EDIL3: variants seen among roughly 807,000 people sequenced by gnomAD.
EDIL3 encodes the protein EGF-like repeat and discoidin I-like domain-containing protein 3.
In EDIL3, 37 loss-of-function variants were observed where a neutral mutation model predicts 67.4. The observed-to-expected ratio is 0.55, with a 90% CI of 0.42 to 0.72. EDIL3 has a LOEUF of 0.72. Among genes scored for constraint, EDIL3 ranks in the 30% least tolerant of loss-of-function variants. The pLI, the probability that EDIL3 is intolerant of heterozygous loss-of-function variation, is 0.00. For missense variants in EDIL3, 527 were observed against 586.3 expected, an observed-to-expected ratio of 0.90 and a Z score of 1.04; for synonymous variants, 195 against 196.3, an observed-to-expected ratio of 0.99 and a Z score of 0.05.
intron 9 of EDIL3, among the ~76,000 whole-genome samples, chr5:84,027,023 A>C (rs1188118536): frequency 6.6e-6 from 1 of 152,174 alleles, no homozygotes; most frequent in Non-Finnish European, 1.5e-5. Context: ...TGAGCCCAAG[A>C]GGCAGAACCT....
At chr5:84,373,486 C>A (rs959641379) in intron 1 of EDIL3, among the ~76,000 whole-genome samples, 2 of 152,272 alleles carry the variant, frequency 1.3e-5, no homozygotes, top group Admixed American at 6.5e-5. Context: ...CCAATTCAAC[C>A]TTTCAGCCCT....
At chr5:84,252,265 G>A (rs1256692332) in intron 2 of EDIL3, among the ~76,000 whole-genome samples, 1 of 151,978 alleles carries the variant, frequency 6.6e-6, no homozygotes, top group African/African-American at 2.4e-5. Flanking sequence ...GCCGAGGTGG[G>A]TGGATCACGA....
intron 9 of EDIL3, among the ~76,000 whole-genome samples, chr5:84,018,958 T>C (rs1745659837): frequency 6.6e-6 from 1 of 152,166 alleles, no homozygotes; most frequent in South Asian, 2.1e-4. Flanking sequence ...GACTGTAAAC[T>C]AGTTCAACCA....
At chr5:84,314,120 A>AT (rs1196091701) in intron 1 of EDIL3, among the ~76,000 whole-genome samples, 2 of 151,962 alleles carry the variant, frequency 1.3e-5, no homozygotes, top group Admixed American at 6.6e-5. Flanking sequence ...TGCTTGAACC[A>AT]GGGAGGCGGA....
At chr5:84,041,331 C>T (rs896112675) in intron 9 of EDIL3, among the ~76,000 whole-genome samples, 2 of 151,708 alleles carry the variant, frequency 1.3e-5, no homozygotes, top group African/African-American at 2.4e-5. Flanking sequence ...TAAGAATCTC[C>T]GTTTTCAGCC....
At chr5:84,273,251 C>T (rs1745511465) in intron 1 of EDIL3, among the ~76,000 whole-genome samples, 1 of 152,124 alleles carries the variant, frequency 6.6e-6, no homozygotes, top group African/African-American at 2.4e-5. Flanking sequence ...GACCCAATTC[C>T]TATCTTTAGG....
chr5:83,976,270 C>T (rs539146665), intron 9 of EDIL3, among the ~76,000 whole-genome samples: 13 of 151,784 alleles, frequency 8.6e-5, no homozygotes, highest in African/African-American at 1.4e-4. Flanking sequence ...GCTTCAGGAA[C>T]GAGAAATATC....
rs371352184 is a variant in EDIL3 at position 84,044,472 on chromosome 5, C to T, written c.1137+15828G>A. Among the ~76,000 whole-genome samples the T allele has an allele frequency of 1.6e-4, 25 of 151,676 alleles. No individual in the cohort carries two copies. In the Middle Eastern group the frequency reaches 0.01, roughly 62 times the overall value. ...GAAAATGCTGATACAATTTGTTATT[C>T]GGAGAGAAAGAGAATGTAATTTGTT... is the stretch of plus-strand genomic sequence containing the variant. On this transcript the variant is annotated intron_variant, in intron 9 of 10. Transcript: ENST00000296591.
chr5:84,308,341 T>C (rs753141103), intron 1 of EDIL3, among the ~76,000 whole-genome samples: 2 of 152,176 alleles, frequency 1.3e-5, no homozygotes, highest in Non-Finnish European at 2.9e-5. Context: ...TACTAACTGG[T>C]ATCTGGAATC....
chr5:84,220,265 TAAAAG>T (rs1467962285), intron 3 of EDIL3, among the ~76,000 whole-genome samples: 1 of 152,040 alleles, frequency 6.6e-6, no homozygotes, highest in Non-Finnish European at 1.5e-5. Flanking sequence ...AATTAAAACT[TAAAAG>T]AAATAAAAGA....
chr5:84,215,544 G>A (rs1232832113), intron 3 of EDIL3, among the ~76,000 whole-genome samples: 2 of 152,268 alleles, frequency 1.3e-5, no homozygotes, highest in Non-Finnish European at 2.9e-5. Flanking sequence ...GAGCCACCAC[G>A]CCCAGTTAAG....
At chr5:83,964,346 C>T (rs1744655755) in intron 9 of EDIL3, among the ~76,000 whole-genome samples, 1 of 151,844 alleles carries the variant, frequency 6.6e-6, no homozygotes, top group South Asian at 2.1e-4. Context: ...CTTCCTCTCT[C>T]TTCCTGCAAT....
intron 1 of EDIL3, among the ~76,000 whole-genome samples, chr5:84,321,942 A>G (rs1167302756): frequency 6.6e-6 from 1 of 152,172 alleles, no homozygotes. Context: ...AGAAAATTAG[A>G]AAGTGACCAT....
Position 84,262,780 on chromosome 5 carries a change from C to T in EDIL3, c.68-8568G>A, listed in dbSNP as rs936223296. Among the ~76,000 whole-genome samples, 3 of 146,514 alleles carry T rather than the reference C, an allele frequency of 2.0e-5. No individual in the cohort carries two copies. In the East Asian group the frequency reaches 6.3e-4, roughly 31 times the overall value. On this transcript the variant is annotated intron_variant, in intron 1 of 10. Transcript: ENST00000296591. Reference sequence around the variant, plus strand: ...TCCGCCTCCCAGGTCAGGCAATTCTCATGCCTCAGCCTCCTGACTAGCTGG... The same window carrying T: ...TCCGCCTCCCAGGTCAGGCAATTCTTATGCCTCAGCCTCCTGACTAGCTGG...
intron 1 of EDIL3, among the ~76,000 whole-genome samples, chr5:84,344,792 A>G (rs1747203933): frequency 1.3e-5 from 2 of 152,134 alleles, no homozygotes; most frequent in South Asian, 4.1e-4. Context: ...TTTTAAAACT[A>G]AACATGTGGT....
At chr5:84,251,862 A>G (rs867032798) in intron 2 of EDIL3, among the ~76,000 whole-genome samples, 2 of 152,234 alleles carry the variant, frequency 1.3e-5, no homozygotes, top group South Asian at 4.1e-4. Context: ...TCAAACAAAT[A>G]CAAACTAAAT....
intron 1 of EDIL3, among the ~76,000 whole-genome samples, chr5:84,260,152 G>A (rs1355338839): frequency 2.0e-5 from 3 of 152,102 alleles, no homozygotes; most frequent in Non-Finnish European, 2.9e-5. Context: ...AAATAAATAA[G>A]GTAGCACTCA....
chr5:84,219,700 T>C (rs1040592283), intron 3 of EDIL3, among the ~76,000 whole-genome samples: 1 of 143,028 alleles, frequency 7.0e-6, no homozygotes, highest in Non-Finnish European at 1.6e-5. Context: ...AGCCAAGATT[T>C]GGAAGCAAAC....
intron 4 of EDIL3, among the ~76,000 whole-genome samples, chr5:84,175,654 G>A (rs957598): frequency 2.6e-5 from 4 of 152,132 alleles, no homozygotes; most frequent in South Asian, 2.1e-4. Flanking sequence ...ATTAAATGCC[G>A]AATGACGCTT....
Sources: gnomAD v4.1 joint callset for allele counts (sites outside exome capture counted in the v4.1 genomes callset) on GRCh38, gnomAD v4.1.1 for gene constraint, MANE v1.5 for transcripts, NCBI Gene and HGNC (gene_info 2026-07-23, HGNC 2026-07-21) for gene names.